The following SLC35F1 variants were observed in gnomAD, a reference collection of about 807,000 sequenced individuals.
SLC35F1 encodes chromosome 6 open reading frame 169.
In SLC35F1, 14 loss-of-function variants were observed where a neutral mutation model predicts 48.7. That is an observed-to-expected ratio of 0.29 (90% CI 0.19 to 0.45). The LOEUF is 0.45. SLC35F1 is among the 20% of genes least tolerant of loss of function. The probability of loss-of-function intolerance (pLI) is 1.00; values close to 1 mark genes in which losing one functional copy is unlikely to be tolerated. For synonymous variants in SLC35F1, 190 were observed against 202.2 expected (o/e 0.94, Z 0.51); for missense variants, 404 against 500.0 (o/e 0.81, Z 1.83).
At chr6:118,013,785 G>T (rs1777283694) in intron 1 of SLC35F1, among the ~76,000 whole-genome samples, 1 of 151,966 alleles carries the variant, frequency 6.6e-6, no homozygotes, top group Admixed American at 6.6e-5. Context: ...ATTGGCTCTG[G>T]GGTGGACAAA....
At chr6:118,179,704 T>G (rs1318124988) in intron 2 of SLC35F1, among the ~76,000 whole-genome samples, 2 of 152,090 alleles carry the variant, frequency 1.3e-5, no homozygotes, top group East Asian at 3.9e-4. Context: ...ACTCTTGGGA[T>G]TGTGGAATGA....
chr6:117,999,454 T>C, intron 1 of SLC35F1: 1 of 1,573,138 alleles, frequency 6.4e-7, no homozygotes, highest in Non-Finnish European at 8.6e-7. Flanking sequence ...AGTAGATATC[T>C]CTGCCAACAT....
At chr6:118,070,720 A>G (rs1041311267) in intron 1 of SLC35F1, among the ~76,000 whole-genome samples, 1 of 150,650 alleles carries the variant, frequency 6.6e-6, no homozygotes, top group Non-Finnish European at 1.5e-5. Flanking sequence ...CATCATCTAC[A>G]GTACTAACTT....
At chr6:118,128,001 G>C (rs1468529632) in intron 1 of SLC35F1, among the ~76,000 whole-genome samples, 1 of 151,860 alleles carries the variant, frequency 6.6e-6, no homozygotes, top group South Asian at 2.1e-4. Context: ...GTGGGCAAAG[G>C]ATATGAACAG....
chr6:118,209,194 G>A (rs1354640861), intron 2 of SLC35F1, among the ~76,000 whole-genome samples: 1 of 152,184 alleles, frequency 6.6e-6, no homozygotes, highest in Non-Finnish European at 1.5e-5. Flanking sequence ...TCAAACCTAA[G>A]CCTAAAAACA....
At chr6:118,096,889 C>CT (rs1411545124) in intron 1 of SLC35F1, among the ~76,000 whole-genome samples, 1 of 152,162 alleles carries the variant, frequency 6.6e-6, no homozygotes, top group Non-Finnish European at 1.5e-5. Context: ...AAAAGACTCA[C>CT]TCTCCTTTTT....
chr6:118,276,490 T>C (rs1775919716), intron 5 of SLC35F1, among the ~76,000 whole-genome samples: 1 of 152,140 alleles, frequency 6.6e-6, no homozygotes, highest in African/African-American at 2.4e-5. Flanking sequence ...AAATAGGCTG[T>C]TTTCAACAAT....
intron 3 of SLC35F1, among the ~76,000 whole-genome samples, chr6:118,266,696 A>C (rs183993156): frequency 2.7e-3 from 405 of 152,288 alleles, no homozygotes; most frequent in Middle Eastern, 0.01. Context: ...GGAAGACAGG[A>C]GGCAGAGCTG....
At position 118,162,260 on chromosome 6, in the gene SLC35F1, C is replaced by G. The variant is rs564134836; in HGVS notation, c.349+7640C>G. 2.6e-5 allele frequency among the ~76,000 whole-genome samples: 4 copies of G among 152,218 alleles called. No homozygotes were observed. In the South Asian group the frequency reaches 8.3e-4, roughly 32 times the overall value. The stretch of plus-strand genomic sequence containing the variant: ...ATTACACTAAGTGCAAGAATCCAGA[C>G]GTGAAAGTTTACATAGTATATAATT... On this transcript the variant is annotated intron_variant, in intron 2 of 7. Transcript: ENST00000360388.
At chr6:118,013,064 G>A (rs1386580379) in intron 1 of SLC35F1, among the ~76,000 whole-genome samples, 2 of 152,096 alleles carry the variant, frequency 1.3e-5, no homozygotes, top group South Asian at 2.1e-4. Context: ...GGGAAAACAC[G>A]ACAGCTATTT....
At chr6:118,250,085 A>G (rs183440576) in intron 3 of SLC35F1, among the ~76,000 whole-genome samples, 80 of 152,298 alleles carry the variant, frequency 5.3e-4, no homozygotes, top group African/African-American at 1.9e-3. Context: ...TTCAACATCT[A>G]CTATCTGCCA....
At chr6:118,111,643 G>A (rs897774697) in intron 1 of SLC35F1, among the ~76,000 whole-genome samples, 5 of 152,070 alleles carry the variant, frequency 3.3e-5, no homozygotes, top group African/African-American at 9.7e-5. Context: ...TCAGATCTAC[G>A]TAAAGGAAGA....
chr6:118,146,097 C>T (rs761844741), intron 1 of SLC35F1, among the ~76,000 whole-genome samples: 5 of 152,130 alleles, frequency 3.3e-5, no homozygotes, highest in Non-Finnish European at 5.9e-5. Context: ...AGCATGCCTC[C>T]CTCAGACAGG....
At position 117,958,290 on chromosome 6, in the gene SLC35F1, TA is replaced by T. The variant is rs1163278617; in HGVS notation, c.173+50397del. On this transcript the variant is annotated intron_variant, in intron 1 of 7. Coordinates refer to ENST00000360388, the MANE Select transcript of SLC35F1 (RefSeq NM_001029858.4). ...GTCAAAAAGTTAAAAAAATTAAAAG[TA>T]AAAAAGATATAATAAGCTAATGTCC... Among the ~76,000 whole-genome samples, 13 of 152,138 alleles carry T rather than the reference TA, an allele frequency of 8.5e-5. No homozygotes were observed. The South Asian group carries it at 2.1e-3, about 24-fold the overall frequency.
At chr6:118,102,941 G>A (rs921676297) in intron 1 of SLC35F1, among the ~76,000 whole-genome samples, 1 of 152,162 alleles carries the variant, frequency 6.6e-6, no homozygotes, top group Non-Finnish European at 1.5e-5. Flanking sequence ...CCCGTGTTTT[G>A]TGCTTAATAG....
intron 7 of SLC35F1, 82 bp downstream of exon 7, chr6:118,285,420 T>C: frequency 6.6e-7 from 1 of 1,514,432 alleles, no homozygotes; most frequent in Non-Finnish European, 9.1e-7. Flanking sequence ...GGATGTGAAA[T>C]GCCCTGATTT....
intron 1 of SLC35F1, among the ~76,000 whole-genome samples, chr6:117,961,104 AC>A (rs1776491857): frequency 6.6e-6 from 1 of 152,180 alleles, no homozygotes; most frequent in African/African-American, 2.4e-5. Context: ...AGTGAATCAC[AC>A]ATTCCCTTTA....
intron 1 of SLC35F1, among the ~76,000 whole-genome samples, chr6:118,082,134 C>A (rs979315840): frequency 2.6e-5 from 4 of 152,152 alleles, no homozygotes; most frequent in African/African-American, 9.7e-5. Flanking sequence ...CAGATTGGAG[C>A]CTCAACCTTT....
intron 1 of SLC35F1, among the ~76,000 whole-genome samples, chr6:117,961,456 A>G (rs1776497286): frequency 6.6e-6 from 1 of 152,192 alleles, no homozygotes; most frequent in South Asian, 2.1e-4. Flanking sequence ...ACTGATTAAT[A>G]GAAGAGAGCT....
Sources: gnomAD v4.1 joint callset for allele counts (sites outside exome capture counted in the v4.1 genomes callset) on GRCh38, gnomAD v4.1.1 for gene constraint, MANE v1.5 for transcripts, NCBI Gene and HGNC (gene_info 2026-07-23, HGNC 2026-07-21) for gene names.